The following VPS13C variants were observed in gnomAD, a reference collection of about 807,000 sequenced individuals.
VPS13C encodes the protein vacuolar protein sorting 13 homolog C.
In VPS13C, 358 loss-of-function variants were observed where a neutral mutation model predicts 456.8. That is an observed-to-expected ratio of 0.78 (90% CI 0.72 to 0.86). VPS13C has a LOEUF of 0.86. Among genes scored for constraint, VPS13C ranks in the 40% least tolerant of loss-of-function variants. VPS13C has a pLI of 0.00. For missense variants in VPS13C, 4,818 were observed against 4,385.4 expected, an observed-to-expected ratio of 1.10 and a Z score of -2.79; for synonymous variants, 1,578 against 1,486.7, an observed-to-expected ratio of 1.06 and a Z score of -1.41.
Position 61,918,122 on chromosome 15 carries a change from T to G in VPS13C, c.7760+14A>C. 1 of 1,568,554 alleles carries G rather than the reference T, an allele frequency of 6.4e-7. No individual in the cohort carries two copies. The highest frequency in any genetic ancestry group is 8.6e-7 in the Non-Finnish European group (1 of 1,166,150). ...CAATACATTTAAAGTTTAATACATTTAAGAAGTATCTACCTATATGAATCT... is the reference window on the plus strand; with the variant it reads ...CAATACATTTAAAGTTTAATACATTGAAGAAGTATCTACCTATATGAATCT... On this transcript the variant is annotated intron_variant, in intron 59 of 84. Coordinates refer to ENST00000644861, the MANE Select transcript of VPS13C (RefSeq NM_020821.3).
At position 61,922,578 on chromosome 15, in the gene VPS13C, T is replaced by G. The variant is rs2043696238; in HGVS notation, c.6794A>C (p.Lys2265Thr). ...DTATEITESF[K>T]GIEHSLIEEN... ...CTCTATCAGTGAATGTTCAATGCCT[T>G]TGAAGCTTTCCGTTATTTCTGTTGC... The change falls in exon 54 of 85, where the codon AAA (lysine) becomes ACA (threonine). Residue 2265 changes from lysine to threonine, a missense_variant. Lys to Thr is a moderately conservative substitution (Grantham distance 78). This residue lies in a region of VPS13C where 4,552 missense variants were observed against 4,130.6 expected (regional missense o/e 1.10). Coordinates refer to ENST00000644861, the MANE Select transcript of VPS13C (RefSeq NM_020821.3). 6.2e-7 allele frequency: 1 copy of G among 1,614,142 alleles called. No homozygotes were observed. Among genetic ancestry groups the G allele is most frequent in the Admixed American group, 1.7e-5 (1 of 60,022 alleles).
chr15:61,922,129 T>C (rs2043678265), intron 54 of VPS13C, 96 bp from the exon 55 acceptor site: 4 of 1,314,530 alleles, frequency 3.0e-6, no homozygotes, highest in South Asian at 2.6e-5. Flanking sequence ...CAATGTTATA[T>C]ATCATTAGCC....
intron 55 of VPS13C, 46 bp from the exon 56 acceptor site, chr15:61,920,693 A>C: frequency 6.6e-7 from 1 of 1,505,626 alleles, no homozygotes; most frequent in Non-Finnish European, 8.9e-7. Context: ...TAGCCAGTTG[A>C]TAATAAAATA....
chr15:61,966,097 C>T lies in VPS13C; in HGVS notation c.3037G>A (p.Glu1013Lys). The T allele has an allele frequency of 6.2e-7, 1 of 1,602,368 alleles. No individual in the cohort carries two copies. Among genetic ancestry groups the T allele is most frequent in the Middle Eastern group, 1.7e-4 (1 of 5,882 alleles). The part of the protein sequence containing the change: ...PSFQTAFGKT[E>K]QTVKVAFSSL... ...GAATTTCTTACCTTAACTGTTTGTT[C>T]AGTTTTTCCAAAAGCAGTTTGAAAA... The change falls in exon 30 of 85, where the codon GAA (glutamate) becomes AAA (lysine). Residue 1013 changes from glutamate (E) to lysine (K), a missense_variant. Physicochemically the swap from Glu to Lys is moderately conservative, Grantham distance 56 (BLOSUM62 1). Transcript: ENST00000644861.
chr15:61,994,748 C>G (rs150325585), intron 16 of VPS13C, among the ~76,000 whole-genome samples: 1,666 of 152,098 alleles, frequency 0.011, 21 homozygotes, highest in African/African-American at 0.029. Flanking sequence ...TGCCACCACA[C>G]CCGGCTAATT....
intron 18 of VPS13C, among the ~76,000 whole-genome samples, chr15:61,988,827 C>T (rs1040681876): frequency 3.9e-5 from 6 of 152,046 alleles, no homozygotes; most frequent in African/African-American, 7.2e-5. Flanking sequence ...CAAAGGCAAC[C>T]GGTGCTATGT....
Position 62,048,069 on chromosome 15 carries a change from GTT to G in VPS13C, c.101-3816_101-3815del, listed in dbSNP as rs545982740. On this transcript the variant is annotated intron_variant, in intron 1 of 84. Coordinates refer to ENST00000644861, the MANE Select transcript of VPS13C (RefSeq NM_020821.3). ...GTAAATATTTGTTTTTGGTTTTTTG[GTT>G]TTTTTTTTTTTCATTTGTTCTCATT... 3.8e-4 allele frequency among the ~76,000 whole-genome samples: 51 copies of G among 134,236 alleles called. 1 individual carries two copies. Among genetic ancestry groups the G allele is most frequent in the African/African-American group, 1.3e-3 (48 of 37,552 alleles). The allele number at this position is 134,236 out of a possible 152,430, so 88.1% of individuals were successfully genotyped here.
chr15:62,046,125 G>GA (rs1158389763), intron 1 of VPS13C, among the ~76,000 whole-genome samples: 1 of 152,110 alleles, frequency 6.6e-6, no homozygotes, highest in Non-Finnish European at 1.5e-5. Flanking sequence ...AGAAAAGGAG[G>GA]AAAGAAACTT....
At chr15:61,940,240 TTG>T (rs2044373611) in intron 47 of VPS13C, among the ~76,000 whole-genome samples, 1 of 152,188 alleles carries the variant, frequency 6.6e-6, no homozygotes, top group Admixed American at 6.5e-5. Flanking sequence ...TCACTTTGCA[TTG>T]TCTTACAATT....
At chr15:62,001,297 G>C (rs2046604089) in intron 15 of VPS13C, among the ~76,000 whole-genome samples, 1 of 152,172 alleles carries the variant, frequency 6.6e-6, no homozygotes, top group Non-Finnish European at 1.5e-5. Flanking sequence ...GTCAGTACTT[G>C]AACCCAAATC....
chr15:61,896,740 G>A (rs2042831280), intron 66 of VPS13C, among the ~76,000 whole-genome samples: 2 of 152,248 alleles, frequency 1.3e-5, no homozygotes, highest in Admixed American at 6.5e-5. Context: ...CGAACTGGGT[G>A]TAGCCCACCA....
intron 55 of VPS13C, 78 bp from the exon 56 acceptor site, chr15:61,920,725 C>T (rs2043627366): frequency 7.5e-7 from 1 of 1,329,990 alleles, no homozygotes; most frequent in Non-Finnish European, 1.0e-6. Context: ...GTTCAGTTCT[C>T]CTAAACTGAT....
At chr15:61,866,838 C>T (rs1320754963) in intron 81 of VPS13C, 2 of 973,586 alleles carry the variant, frequency 2.1e-6, no homozygotes, top group African/African-American at 3.5e-5. Flanking sequence ...AATACATAAT[C>T]CAACTGAACA....
chr15:61,992,578 T>C (rs1267888962), intron 16 of VPS13C, among the ~76,000 whole-genome samples: 1 of 152,130 alleles, frequency 6.6e-6, no homozygotes, highest in East Asian at 1.9e-4. Context: ...AGTTGAATTC[T>C]ATAGTAAAGA....
chr15:62,037,312 ATATAT>A lies in VPS13C; in HGVS notation c.188-2265_188-2261del, dbSNP rs1463698074. ...ATTATATTATATAATATATATATAA[ATATAT>A]TATATATTATATACATTTATATATA... On this transcript the variant is annotated intron_variant, in intron 3 of 84. Transcript: ENST00000644861. Among the ~76,000 whole-genome samples the A allele has an allele frequency of 3.7e-4, 28 of 74,806 alleles. 1 individual carries two copies. Among genetic ancestry groups the A allele is most frequent in the South Asian group, 1.4e-3 (4 of 2,926 alleles). The allele number at this position is 74,806 out of a possible 152,430, so 49.1% of individuals were successfully genotyped here.
At chr15:61,931,054 C>T (rs1277527503) in intron 50 of VPS13C, 36 bp downstream of exon 50, 1 of 1,611,672 alleles carries the variant, frequency 6.2e-7, no homozygotes, top group Non-Finnish European at 8.5e-7. Flanking sequence ...CAATGTCAAC[C>T]TTAAATAATG....
chr15:61,917,322 C>G lies in VPS13C; in HGVS notation c.8055+19G>C. 6.2e-7 allele frequency: 1 copy of G among 1,601,970 alleles called. No homozygotes were observed. Among genetic ancestry groups the G allele is most frequent in the Non-Finnish European group, 8.5e-7 (1 of 1,172,576 alleles). On this transcript the variant is annotated intron_variant, in intron 60 of 84. Coordinates refer to ENST00000644861, the MANE Select transcript of VPS13C (RefSeq NM_020821.3). Reference sequence around the variant, plus strand: ...ACTCTGTGCAACAACAAAAATCAAACAAAATGCAAGAGACATACCTCAAGT... The same window carrying G: ...ACTCTGTGCAACAACAAAAATCAAAGAAAATGCAAGAGACATACCTCAAGT...
At chr15:61,934,789 T>C (rs2044170546) in intron 48 of VPS13C, among the ~76,000 whole-genome samples, 1 of 152,128 alleles carries the variant, frequency 6.6e-6, no homozygotes, top group Non-Finnish European at 1.5e-5. Context: ...CTCGCTGTGT[T>C]GCCCAGGCTG....
chr15:62,016,820 A>T (rs763633396), intron 9 of VPS13C, among the ~76,000 whole-genome samples: 2 of 152,074 alleles, frequency 1.3e-5, no homozygotes, highest in Non-Finnish European at 2.9e-5. Flanking sequence ...TGGTATTTCT[A>T]GTTCTAGATC....
Sources: gnomAD v4.1 joint callset for allele counts (sites outside exome capture counted in the v4.1 genomes callset) on GRCh38, gnomAD v4.1.1 for gene constraint, gnomAD v4.1.1 regional missense constraint, MANE v1.5 for transcripts, NCBI Gene and HGNC (gene_info 2026-07-23, HGNC 2026-07-21) for gene names.